The following URM1 variants were observed in gnomAD, a reference collection of about 807,000 sequenced individuals.
The protein encoded by URM1 is ubiquitin related modifier 1.
Under a neutral mutation model 17.7 loss-of-function variants are expected in URM1, and 11 were observed. The ratio of observed to expected loss-of-function variants is 0.62; its 90% confidence interval spans 0.39 to 1.03. The LOEUF is 1.03. Among genes scored for constraint, URM1 ranks in the 50% least tolerant of loss-of-function variants. URM1 has a pLI of 0.00. For synonymous variants in URM1, 48 were observed against 50.6 expected (o/e 0.95, Z 0.22); for missense variants, 128 against 129.2 (o/e 0.99, Z 0.04).
chr9:128,388,335 A>C, intron 3 of URM1: 1 of 999,918 alleles, frequency 1.0e-6, no homozygotes, highest in Non-Finnish European at 1.2e-6. Context: ...ACGGGTCTAG[A>C]ATTCCAAGGA....
intron 3 of URM1, chr9:128,388,134 C>T: frequency 7.6e-7 from 1 of 1,316,638 alleles, no homozygotes; most frequent in South Asian, 2.2e-5. Context: ...TGGATTCTGC[C>T]CTCTGGTTGC....
chr9:128,389,496 A>G (rs1180403434), intron 4 of URM1, 170 bp from the exon 5 acceptor site: 1 of 1,555,102 alleles, frequency 6.4e-7, no homozygotes, highest in East Asian at 2.4e-5. Flanking sequence ...GGGACATGGG[A>G]GTACTCCTCC....
chr9:128,377,401 G>T (rs769599941), intron 1 of URM1, among the ~76,000 whole-genome samples: 4 of 152,092 alleles, frequency 2.6e-5, no homozygotes, highest in African/African-American at 9.7e-5. Flanking sequence ...GGCCAGGCGC[G>T]GTGGCTCATG....
At chr9:128,384,963 A>G (rs1833207537) in intron 2 of URM1, among the ~76,000 whole-genome samples, 2 of 152,096 alleles carry the variant, frequency 1.3e-5, no homozygotes, top group African/African-American at 4.8e-5. Context: ...AGTGCCATAC[A>G]TTTGAGCTGG....
intron 2 of URM1, among the ~76,000 whole-genome samples, chr9:128,383,833 C>A (rs1446645716): frequency 6.6e-6 from 1 of 152,126 alleles, no homozygotes; most frequent in Non-Finnish European, 1.5e-5. Flanking sequence ...CAGTCAGTGT[C>A]CCCCAGAATA....
chr9:128,378,882 G>A lies in URM1; in HGVS notation c.106+776G>A, dbSNP rs925595568. Among the ~76,000 whole-genome samples, 4 of 151,122 alleles carry A rather than the reference G, an allele frequency of 2.6e-5. 1 individual carries two copies. Among genetic ancestry groups the A allele is most frequent in the Admixed American group, 2.6e-4 (4 of 15,140 alleles). On this transcript the variant is annotated intron_variant, in intron 2 of 4. Coordinates refer to ENST00000372853, the MANE Select transcript of URM1 (RefSeq NM_030914.4). ...GAATTGCTTAAACCTGGGAGGCAGA[G>A]GTTTCAGTGAGCCGAGATCGTGCCA...
At chr9:128,374,985 G>GT (rs1833059063) in intron 1 of URM1, among the ~76,000 whole-genome samples, 1 of 152,144 alleles carries the variant, frequency 6.6e-6, no homozygotes, top group African/African-American at 2.4e-5. Flanking sequence ...GGGAAGTCCT[G>GT]TTTTTTTCTG....
At chr9:128,374,601 G>A (rs1287158267) in intron 1 of URM1, among the ~76,000 whole-genome samples, 3 of 152,314 alleles carry the variant, frequency 2.0e-5, no homozygotes, top group African/African-American at 4.8e-5. Flanking sequence ...TCAACAAAGC[G>A]TGACCTTGTT....
intron 1 of URM1, among the ~76,000 whole-genome samples, chr9:128,374,279 T>C (rs999097465): frequency 1.3e-5 from 2 of 152,096 alleles, no homozygotes; most frequent in Non-Finnish European, 1.5e-5. Flanking sequence ...GCGAGACTGG[T>C]TCTCCCTTCA....
rs372919973 is a variant in URM1 at position 128,378,077 on chromosome 9, G to A, written c.77G>A (p.Arg26Gln). The change falls in exon 2 of 5, where the codon CGA becomes CAA. Residue 26 changes from arginine to glutamine, a missense_variant. By Grantham distance (43) the Arg-to-Gln change is conservative. Coordinates refer to ENST00000372853, the MANE Select transcript of URM1 (RefSeq NM_030914.4). ...ELLFDGIKKH[R>Q]VTLPGQEEPW... ...CTGTTTGACGGTATTAAGAAACATC[G>A]AGTCACTTTGCCTGGACAGGAGGAA... The A allele has an allele frequency of 9.3e-6, 15 of 1,610,798 alleles. No individual in the cohort carries two copies. The highest frequency in any genetic ancestry group is 3.3e-4 in the Middle Eastern group (2 of 6,078).
At chr9:128,374,293 G>A (rs1833049744) in intron 1 of URM1, among the ~76,000 whole-genome samples, 1 of 152,154 alleles carries the variant, frequency 6.6e-6, no homozygotes, top group Non-Finnish European at 1.5e-5. Context: ...CCCTTCATCC[G>A]CTTGTAAAGG....
upstream of URM1, chr9:128,371,363 G>A: frequency 6.2e-7 from 1 of 1,612,902 alleles, no homozygotes; most frequent in Non-Finnish European, 8.5e-7. Flanking sequence ...AGTTTCCTGC[G>A]AGCTCGGCTT....
At chr9:128,375,474 G>C (rs1833064333) in intron 1 of URM1, among the ~76,000 whole-genome samples, 1 of 152,168 alleles carries the variant, frequency 6.6e-6, no homozygotes, top group African/African-American at 2.4e-5. Context: ...ACTTTGGGAG[G>C]CTGAGGCAGA....
At position 128,389,651 on chromosome 9, in the gene URM1, T is replaced by C; in HGVS notation, c.238-15T>C. 6.2e-7 allele frequency: 1 copy of C among 1,613,370 alleles called. No individual in the cohort carries two copies. Among genetic ancestry groups the C allele is most frequent in the Non-Finnish European group, 8.5e-7 (1 of 1,179,938 alleles). ...TGGCCCTGAGGGTCTCCCGCTCCCC[T>C]CTCTCCCGCACCAGGGTGAGCTGGA... On this transcript the variant is annotated splice_polypyrimidine_tract_variant and intron_variant, in intron 4 of 4. Transcript: ENST00000372853.
In URM1 at chr9:128,387,895, C is replaced by A. The variant is rs766952146; in HGVS notation, c.186C>A (p.Ser62Arg). The A allele has an allele frequency of 6.2e-7, 1 of 1,613,910 alleles. No homozygotes were observed. The highest frequency in any genetic ancestry group is 1.1e-5 in the South Asian group (1 of 91,076). The part of the protein sequence containing the change: ...ERPELFIQGD[S>R]VRPGILVLIN... ...CAGAGTTGTTCATCCAGGGAGACAG[C>A]GTGTGAGTCCCACTCCTCCCTTCCC... Residue 62 changes from serine to arginine, a missense_variant and splice_region_variant, in exon 3 of 5, where the codon AGC becomes AGA. Physicochemically the swap from Ser to Arg is moderately radical, Grantham distance 110 (BLOSUM62 -1). Transcript: ENST00000372853. The surrounding 1 kb of genome is among the most constrained non-coding windows in gnomAD (Gnocchi z 4.3).
intron 2 of URM1, among the ~76,000 whole-genome samples, chr9:128,383,899 A>G (rs1259460938): frequency 6.6e-6 from 1 of 152,144 alleles, no homozygotes; most frequent in Non-Finnish European, 1.5e-5. Flanking sequence ...TGCTCTCCAC[A>G]GTGGGTATCC....
intron 1 of URM1, among the ~76,000 whole-genome samples, chr9:128,372,011 G>T (rs1054468905): frequency 3.9e-5 from 6 of 152,182 alleles, no homozygotes; most frequent in Non-Finnish European, 2.9e-5. Flanking sequence ...AAATCACACT[G>T]AAGGGAACTA....
intron 2 of URM1, among the ~76,000 whole-genome samples, chr9:128,386,953 T>A (rs974831266): frequency 6.6e-6 from 1 of 152,350 alleles, no homozygotes; most frequent in African/African-American, 2.4e-5. Flanking sequence ...TGGCCCTGTT[T>A]CGGGGGCGGA....
At chr9:128,377,770 A>G (rs1833096454) in intron 1 of URM1, among the ~76,000 whole-genome samples, 1 of 152,198 alleles carries the variant, frequency 6.6e-6, no homozygotes. Flanking sequence ...TTGAACAGGA[A>G]GGTCTCTTGA....
Sources: allele counts gnomAD v4.1 joint callset (sites outside exome capture counted in the v4.1 genomes callset), GRCh38; gene constraint gnomAD v4.1.1; non-coding constraint Gnocchi (gnomAD v3.1); transcripts MANE v1.5; gene names NCBI Gene and HGNC (gene_info 2026-07-23, HGNC 2026-07-21).